PIEZO2: variants seen among roughly 807,000 people sequenced by gnomAD.
PIEZO2 encodes piezo type mechanosensitive ion channel component 2, also known as piezo-type mechanosensitive ion channel component 2.
A neutral mutation model predicts 337.3 loss-of-function variants in PIEZO2; 172 were observed. The observed-to-expected ratio is 0.51, with a 90% CI of 0.45 to 0.58. The LOEUF is 0.58. PIEZO2 is among the 20% of genes least tolerant of loss of function. The pLI is 0.00. For missense variants in PIEZO2, 3,028 were observed against 3,391.3 expected (o/e 0.89, Z 2.66); for synonymous variants, 1,251 against 1,228.5 (o/e 1.02, Z -0.38).
intron 4 of PIEZO2, among the ~76,000 whole-genome samples, chr18:10,884,834 A>G (rs1433583749): frequency 2.0e-5 from 3 of 152,218 alleles, no homozygotes; most frequent in African/African-American, 7.2e-5. Flanking sequence ...GGGTCAGGAG[A>G]AAAAAGCAAG....
chr18:10,915,377 G>T (rs1415694797), intron 3 of PIEZO2, among the ~76,000 whole-genome samples: 1 of 149,100 alleles, frequency 6.7e-6, no homozygotes, highest in Non-Finnish European at 1.5e-5. Context: ...AATAACCTGG[G>T]TCACCTATTC....
chr18:10,671,452 T>G lies in PIEZO2; in HGVS notation c.*75A>C. ...CCATTTCCGTCGAACTAGAAATGCT[T>G]AGCTCTTATGAGAATATTGTGCTTT... On this transcript the variant is annotated 3_prime_UTR_variant, in exon 56 of 56. Coordinates refer to ENST00000674853, the MANE Select transcript of PIEZO2 (RefSeq NM_001378183.1). 1 of 1,447,192 alleles carries G rather than the reference T, an allele frequency of 6.9e-7. No individual in the cohort carries two copies. Among genetic ancestry groups the G allele is most frequent in the Non-Finnish European group, 9.3e-7 (1 of 1,074,092 alleles). 89.6% of individuals were successfully genotyped at this position (1,447,192 alleles called of 1,614,324 possible).
rs537074411 is a variant in PIEZO2, at chr18:11,130,689, G to T, written c.64+17836C>A. ...ATTTTACCTCAGTACAATTTCTAGG[G>T]GTCCAGTGGTGTGGGGCCTGTCTAG... is the stretch of plus-strand genomic sequence containing the variant. On this transcript the variant is annotated intron_variant, in intron 1 of 55. Coordinates refer to ENST00000674853, the MANE Select transcript of PIEZO2 (RefSeq NM_001378183.1). Among the ~76,000 whole-genome samples, 4 of 152,244 alleles carry T rather than the reference G, an allele frequency of 2.6e-5. No individual in the cohort carries two copies. The South Asian group carries it at 8.3e-4, about 32-fold the overall frequency.
rs552683887 is a variant in PIEZO2, at chr18:11,103,919, G to A, written c.65-37697C>T. On this transcript the variant is annotated intron_variant, in intron 1 of 55. Transcript: ENST00000674853. ...CGGCTCACTGCAACCTCAGCCTCGT[G>A]GGTTCAAGCGATTCTCCTGCCTCAG... 1.4e-3 allele frequency among the ~76,000 whole-genome samples: 217 copies of A among 152,122 alleles called. 1 individual carries two copies. Among genetic ancestry groups the A allele is most frequent in the African/African-American group, 5.0e-3 (207 of 41,488 alleles).
rs148222469 is a variant in PIEZO2, at chr18:10,988,811, G to A, written c.161-9151C>T. Among the ~76,000 whole-genome samples, 3,157 of 152,212 alleles carry A rather than the reference G, an allele frequency of 0.021. 53 individuals carry two copies. Among genetic ancestry groups the A allele is most frequent in the Middle Eastern group, 0.054 (16 of 294 alleles). On this transcript the variant is annotated intron_variant, in intron 2 of 55. Coordinates refer to ENST00000674853, the MANE Select transcript of PIEZO2 (RefSeq NM_001378183.1). The surrounding 1 kb of genome is among the most constrained non-coding windows in gnomAD (Gnocchi z 4.8). ...ACTAGACATGGAGGGAGGGCATTAC[G>A]TTAAGTGAAATAAGCTAGACACAAA... is the stretch of plus-strand genomic sequence containing the variant.
intron 39 of PIEZO2, among the ~76,000 whole-genome samples, chr18:10,711,364 T>C (rs1003460970): frequency 6.6e-6 from 1 of 152,226 alleles, no homozygotes; most frequent in Non-Finnish European, 1.5e-5. Context: ...CAGAGTTTGG[T>C]TCTAGAGCAT....
At chr18:10,886,499 CG>C (rs2042611255) in intron 4 of PIEZO2, among the ~76,000 whole-genome samples, 1 of 69,506 alleles carries the variant, frequency 1.4e-5, no homozygotes, top group Non-Finnish European at 2.5e-5. Context: ...TATATATATA[CG>C]CATATACACA....
chr18:11,109,019 G>A lies in PIEZO2; in HGVS notation c.64+39506C>T, dbSNP rs2039655544. On this transcript the variant is annotated intron_variant, in intron 1 of 55. Transcript: ENST00000674853. The surrounding 1 kb of genome is among the most constrained non-coding windows in gnomAD (Gnocchi z 5.1). ...CTGTCAGTACCACCAGCACCAAGGT[G>A]GGGGCGAACCCAGCCCACCAACAAC... is the stretch of plus-strand genomic sequence containing the variant. 6.6e-6 allele frequency among the ~76,000 whole-genome samples: 1 copy of A among 152,184 alleles called. No homozygotes were observed. The highest frequency in any genetic ancestry group is 2.1e-4 in the South Asian group (1 of 4,832).
Position 10,801,440 on chromosome 18 carries a change from A to C in PIEZO2, c.1201-12T>G, listed in dbSNP as rs746573299. The C allele has an allele frequency of 2.0e-6, 3 of 1,500,988 alleles. No individual in the cohort carries two copies. The South Asian group carries it at 3.6e-5, about 18-fold the overall frequency. 93.0% of individuals were successfully genotyped at this position (1,500,988 alleles called of 1,614,324 possible). On this transcript the variant is annotated splice_polypyrimidine_tract_variant and intron_variant, in intron 9 of 55. Coordinates refer to ENST00000674853, the MANE Select transcript of PIEZO2 (RefSeq NM_001378183.1). ...GTCATGGATAAAAGCTGCAAAAAGC[A>C]ATGCGGGAAAGCATGTTAGTAAGGA...
chr18:10,818,129 G>C (rs556763950), intron 7 of PIEZO2, among the ~76,000 whole-genome samples: 1 of 151,950 alleles, frequency 6.6e-6, no homozygotes, highest in African/African-American at 2.4e-5. Context: ...CAAGGAGATA[G>C]AAATCACAAT....
rs2039879009 is a variant in PIEZO2, at chr18:11,116,054, A to G, written c.64+32471T>C. On this transcript the variant is annotated intron_variant, in intron 1 of 55. Coordinates refer to ENST00000674853, the MANE Select transcript of PIEZO2 (RefSeq NM_001378183.1). The surrounding 1 kb of genome is among the most constrained non-coding windows in gnomAD (Gnocchi z 5.0). ...TTTTAGGAGGAAACATTAGTAATAA[A>G]AATGTATTTTCACAGTGTTTAGAGC... Among the ~76,000 whole-genome samples, 1 of 152,234 alleles carries G rather than the reference A, an allele frequency of 6.6e-6. No homozygotes were observed. The highest frequency in any genetic ancestry group is 2.4e-5 in the African/African-American group (1 of 41,470).
chr18:11,034,013 A>C (rs2036831819), intron 2 of PIEZO2, among the ~76,000 whole-genome samples: 1 of 152,134 alleles, frequency 6.6e-6, no homozygotes, highest in African/African-American at 2.4e-5. Flanking sequence ...AAAATTCGAC[A>C]GTCTTTAAAA....
At position 11,127,787 on chromosome 18, in the gene PIEZO2, G is replaced by A. The variant is rs545422550; in HGVS notation, c.64+20738C>T. ...GTATATATGATATATATGCATATACGTGTGTGTGTGTGTGCATGTGTGTGT... is the reference window on the plus strand; with the variant it reads ...GTATATATGATATATATGCATATACATGTGTGTGTGTGTGCATGTGTGTGT... On this transcript the variant is annotated intron_variant, in intron 1 of 55. Transcript: ENST00000674853. This position sits in a 1 kb window ranked among gnomAD's most constrained non-coding sequence, Gnocchi z 4.5. Among the ~76,000 whole-genome samples the A allele has an allele frequency of 1.6e-4, 13 of 81,982 alleles. No individual in the cohort carries two copies. The highest frequency in any genetic ancestry group is 2.3e-4 in the African/African-American group (4 of 17,306). 53.8% of individuals were successfully genotyped at this position (81,982 alleles called of 152,430 possible). A position where few individuals can be genotyped will look rare whatever the true frequency, so the allele number is the denominator to read the frequency against.
At chr18:10,722,519 G>A (rs556629944) in intron 36 of PIEZO2, among the ~76,000 whole-genome samples, 8 of 152,096 alleles carry the variant, frequency 5.3e-5, no homozygotes, top group South Asian at 4.2e-4. Context: ...GTGAGCCACC[G>A]TGCCCAGCCA....
At chr18:10,712,497 T>C (rs1422494751) in intron 39 of PIEZO2, among the ~76,000 whole-genome samples, 2 of 151,986 alleles carry the variant, frequency 1.3e-5, no homozygotes, top group Non-Finnish European at 2.9e-5. Context: ...AATAGAACAG[T>C]TATAATAGCT....
In PIEZO2 at chr18:11,027,641, A is replaced by C. The variant is rs1030467007; in HGVS notation, c.160+38486T>G. Among the ~76,000 whole-genome samples, 2 of 152,172 alleles carry C rather than the reference A, an allele frequency of 1.3e-5. No homozygotes were observed. The highest frequency in any genetic ancestry group is 2.9e-5 in the Non-Finnish European group (2 of 68,038). ...CTGTCTTAGGTAACTGGGTTGATGA[A>C]CAAATGGGAGTTCGGTGGGGTTTAA... is the stretch of plus-strand genomic sequence containing the variant. On this transcript the variant is annotated intron_variant, in intron 2 of 55. Transcript: ENST00000674853. The surrounding 1 kb of genome is among the most constrained non-coding windows in gnomAD (Gnocchi z 4.2).
At position 10,968,968 on chromosome 18, in the gene PIEZO2, A is replaced by T. The variant is rs192224901; in HGVS notation, c.286+10567T>A. 2.5e-3 allele frequency among the ~76,000 whole-genome samples: 387 copies of T among 152,244 alleles called. 5 individuals carry two copies. The highest frequency in any genetic ancestry group is 9.2e-3 in the African/African-American group (382 of 41,474). On this transcript the variant is annotated intron_variant, in intron 3 of 55. Transcript: ENST00000674853. ...AAATCCAAACTCCTGATTCTAGGAA[A>T]AAATGGTTTTTATTTATAAATCCAC... is the stretch of plus-strand genomic sequence containing the variant.
At chr18:11,037,299 C>A (rs2036957895) in intron 2 of PIEZO2, among the ~76,000 whole-genome samples, 1 of 152,092 alleles carries the variant, frequency 6.6e-6, no homozygotes, top group Non-Finnish European at 1.5e-5. Context: ...TGTATTATCC[C>A]AACTTAAAAG....
intron 3 of PIEZO2, among the ~76,000 whole-genome samples, chr18:10,923,087 C>A (rs1316898594): frequency 1.3e-5 from 2 of 152,204 alleles, no homozygotes; most frequent in African/African-American, 2.4e-5. Flanking sequence ...TTTCCAGTAA[C>A]CATAATTTAA....
Sources: gnomAD v4.1 joint callset for allele counts (sites outside exome capture counted in the v4.1 genomes callset) on GRCh38, gnomAD v4.1.1 for gene constraint, Gnocchi (gnomAD v3.1) non-coding constraint, MANE v1.5 for transcripts, NCBI Gene and HGNC (gene_info 2026-07-23, HGNC 2026-07-21) for gene names.